KIAA1549L: variants seen among roughly 807,000 people sequenced by gnomAD.
KIAA1549L encodes UPF0606 protein KIAA1549L.
Under a neutral mutation model 160.7 loss-of-function variants are expected in KIAA1549L, and 88 were observed. The observed-to-expected ratio is 0.55, with a 90% CI of 0.46 to 0.65. KIAA1549L has a LOEUF of 0.65. Ranked by LOEUF, KIAA1549L falls within the 30% of genes least tolerant of loss-of-function variation. The pLI, the probability that KIAA1549L is intolerant of heterozygous loss-of-function variation, is 0.00. For synonymous variants in KIAA1549L, 950 were observed against 976.7 expected (o/e 0.97, Z 0.51); for missense variants, 2,258 against 2,437.5 (o/e 0.93, Z 1.55).
chr11:33,490,338 T>C (rs1212408716), intron 1 of KIAA1549L, among the ~76,000 whole-genome samples: 1 of 151,630 alleles, frequency 6.6e-6, no homozygotes, highest in Non-Finnish European at 1.5e-5. Flanking sequence ...TTTTTTTTTT[T>C]TTTGAGACAG....
chr11:33,401,436 C>T (rs948046665), intron 1 of KIAA1549L, among the ~76,000 whole-genome samples: 6 of 151,504 alleles, frequency 4.0e-5, no homozygotes, highest in Admixed American at 1.3e-4. Flanking sequence ...TTTCCATACA[C>T]GGCTCTTCTG....
chr11:33,449,613 C>T (rs1230314968), intron 1 of KIAA1549L, among the ~76,000 whole-genome samples: 1 of 152,162 alleles, frequency 6.6e-6, no homozygotes, highest in Admixed American at 6.5e-5. Context: ...TACATGTCTG[C>T]CAATGAGTCT....
chr11:33,660,652 G>A (rs1564947159), intron 19 of KIAA1549L, among the ~76,000 whole-genome samples: 2 of 152,060 alleles, frequency 1.3e-5, no homozygotes, highest in Non-Finnish European at 2.9e-5. Context: ...AGCCATCATG[G>A]CCAGGTCCAC....
At chr11:33,419,899 TAC>T (rs1850968258) in intron 1 of KIAA1549L, among the ~76,000 whole-genome samples, 2 of 94,430 alleles carry the variant, frequency 2.1e-5, no homozygotes, top group African/African-American at 4.3e-5. Context: ...CATACATACA[TAC>T]ATACATATAT....
intron 1 of KIAA1549L, among the ~76,000 whole-genome samples, chr11:33,465,251 ACC>A (rs1431745870): frequency 6.6e-6 from 1 of 151,726 alleles, no homozygotes; most frequent in African/African-American, 2.4e-5. Context: ...GACGGGGTTC[ACC>A]ATGTTAGCCA....
rs539288575 is a variant in KIAA1549L at position 33,601,694 on chromosome 11, G to A, written c.4879+2747G>A. On this transcript the variant is annotated intron_variant, in intron 13 of 20. Transcript: ENST00000658780. ...TTACTAAGGTTAATAAATGTTAAAT[G>A]TAGCAGGCTGTTATTCTAAAACTGT... Among the ~76,000 whole-genome samples the A allele has an allele frequency of 2.0e-4, 30 of 152,306 alleles. No homozygotes were observed. In the South Asian group the frequency reaches 6.2e-3, roughly 32 times the overall value.
chr11:33,590,502 G>A (rs1282588376), intron 11 of KIAA1549L, among the ~76,000 whole-genome samples: 1 of 152,196 alleles, frequency 6.6e-6, no homozygotes, highest in African/African-American at 2.4e-5. Flanking sequence ...TTTGCTCAGA[G>A]CTGCCTTATG....
At chr11:33,539,612 T>G (rs1853969322) in intron 1 of KIAA1549L, among the ~76,000 whole-genome samples, 1 of 152,214 alleles carries the variant, frequency 6.6e-6, no homozygotes, top group Non-Finnish European at 1.5e-5. Context: ...CCTCCTTCTG[T>G]TTTTCAGTAG....
At chr11:33,590,824 GC>G (rs755878981) in intron 11 of KIAA1549L, among the ~76,000 whole-genome samples, 30 of 152,218 alleles carry the variant, frequency 2.0e-4, no homozygotes, top group Non-Finnish European at 3.7e-4. Context: ...TACACATAAA[GC>G]TATACGAGAA....
chr11:33,469,920 G>T (rs1214885973), intron 1 of KIAA1549L, among the ~76,000 whole-genome samples: 1 of 152,144 alleles, frequency 6.6e-6, no homozygotes, highest in Non-Finnish European at 1.5e-5. Context: ...CTAGATACAA[G>T]CGTCTTATCA....
At chr11:33,547,960 C>T in intron 4 of KIAA1549L, 81 bp downstream of exon 4, 1 of 897,052 alleles carries the variant, frequency 1.1e-6, no homozygotes, top group East Asian at 2.6e-5. Flanking sequence ...TGTTTTCCTC[C>T]TTTCTAGGGA....
intron 20 of KIAA1549L, among the ~76,000 whole-genome samples, chr11:33,663,267 G>A (rs1852327202): frequency 6.6e-6 from 1 of 152,174 alleles, no homozygotes; most frequent in African/African-American, 2.4e-5. Context: ...CATCCTTGGT[G>A]CCAGATGGAG....
At chr11:33,422,080 C>T (rs766249681) in intron 1 of KIAA1549L, among the ~76,000 whole-genome samples, 5 of 152,134 alleles carry the variant, frequency 3.3e-5, no homozygotes, top group African/African-American at 4.8e-5. Flanking sequence ...AAGTCCATGT[C>T]CTATAGCCAA....
At chr11:33,524,923 C>T (rs896891660) in intron 1 of KIAA1549L, among the ~76,000 whole-genome samples, 1 of 152,044 alleles carries the variant, frequency 6.6e-6, no homozygotes, top group African/African-American at 2.4e-5. Context: ...GCCACTAAAG[C>T]CAGATGGATT....
chr11:33,397,710 T>TCACACACA (rs71034679), intron 1 of KIAA1549L, among the ~76,000 whole-genome samples: 242 of 143,034 alleles, frequency 1.7e-3, no homozygotes, highest in African/African-American at 2.2e-3. Flanking sequence ...AGACTCCATC[T>TCACACACA]CACACACACA....
intron 1 of KIAA1549L, among the ~76,000 whole-genome samples, chr11:33,408,510 T>TATATATACAC (rs58439063): frequency 1.4e-5 from 2 of 146,102 alleles, no homozygotes; most frequent in Non-Finnish European, 3.0e-5. Context: ...TATATATATA[T>TATATATACAC]ACACATGTAT....
At chr11:33,443,865 A>G (rs1191544802) in intron 1 of KIAA1549L, among the ~76,000 whole-genome samples, 1 of 152,224 alleles carries the variant, frequency 6.6e-6, no homozygotes, top group Admixed American at 6.5e-5. Context: ...GATAGGACTC[A>G]TTTCCTCAAT....
At chr11:33,397,300 C>T (rs1267002806) in intron 1 of KIAA1549L, among the ~76,000 whole-genome samples, 4 of 144,896 alleles carry the variant, frequency 2.8e-5, no homozygotes, top group Non-Finnish European at 6.0e-5. Context: ...TGCCATTGCA[C>T]TCCAGCCTTG....
rs200748899 is a variant in KIAA1549L at position 33,401,187 on chromosome 11, TTA to T, written c.238+24312_238+24313del. On this transcript the variant is annotated intron_variant, in intron 1 of 20. Coordinates refer to ENST00000658780, the MANE Select transcript of KIAA1549L (RefSeq NM_012194.3). ...TGAGTAAGCGTGGCTGTGGCTCATA[TTA>T]TATATATATATATGTAAAATATATC... is the stretch of plus-strand genomic sequence containing the variant. 5.5e-3 allele frequency among the ~76,000 whole-genome samples: 818 copies of T among 147,764 alleles called. 12 individuals are homozygous for T. Among genetic ancestry groups the T allele is most frequent in the African/African-American group, 0.019 (788 of 40,498 alleles).
Sources: gnomAD v4.1 joint callset for allele counts (sites outside exome capture counted in the v4.1 genomes callset) on GRCh38, gnomAD v4.1.1 for gene constraint, MANE v1.5 for transcripts, NCBI Gene and HGNC (gene_info 2026-07-23, HGNC 2026-07-21) for gene names.